The following POU2F1 variants were observed in gnomAD, a reference collection of about 807,000 sequenced individuals.
POU2F1 encodes POU class 2 homeobox 1.
A neutral mutation model predicts 84.9 loss-of-function variants in POU2F1; 16 were observed. The ratio of observed to expected loss-of-function variants is 0.19; its 90% CI spans 0.13 to 0.29. The LOEUF is 0.29. POU2F1 is among the 10% of genes least tolerant of loss of function. POU2F1 has a pLI of 1.00. For missense variants in POU2F1, 738 were observed against 942.6 expected (o/e 0.78, Z 2.84); for synonymous variants, 368 against 368.3 (o/e 1.00, Z 0.01).
chr1:167,359,749 A>G (rs904841858), intron 2 of POU2F1, among the ~76,000 whole-genome samples: 3 of 150,402 alleles, frequency 2.0e-5, no homozygotes, highest in African/African-American at 7.3e-5. Context: ...TCTTTGAGAA[A>G]TTGCCAAACT....
chr1:167,257,366 C>G (rs966095037), intron 1 of POU2F1, among the ~76,000 whole-genome samples: 4 of 152,136 alleles, frequency 2.6e-5, no homozygotes, highest in Non-Finnish European at 5.9e-5. Context: ...ACTACAGTAA[C>G]ACATACACCT....
intron 1 of POU2F1, among the ~76,000 whole-genome samples, chr1:167,253,075 G>T (rs1650846931): frequency 1.3e-5 from 2 of 152,178 alleles, no homozygotes; most frequent in Non-Finnish European, 2.9e-5. Flanking sequence ...TTTAAAATGA[G>T]ATGGCCCAAA....
chr1:167,358,911 C>G (rs1659165480), intron 2 of POU2F1, among the ~76,000 whole-genome samples: 1 of 151,548 alleles, frequency 6.6e-6, no homozygotes, highest in Non-Finnish European at 1.5e-5. Context: ...TGCTCCTTCT[C>G]TCTTATTTTC....
rs966351643 is a variant in POU2F1 at position 167,422,147 on chromosome 1, G to GC, written c.*6343dup. On this transcript the variant is annotated 3_prime_UTR_variant, in exon 16 of 16. Coordinates refer to ENST00000367866, the MANE Select transcript of POU2F1 (RefSeq NM_002697.4). ...TACATCCCTTCCTATGGTTGCCCAT[G>GC]CCCCCCAGACCCTGCCAACCTCTCC... is the stretch of plus-strand genomic sequence containing the variant. 6.6e-6 allele frequency: 1 copy of GC among 152,328 alleles called. No homozygotes were observed. The highest frequency in any genetic ancestry group is 1.5e-5 in the Non-Finnish European group (1 of 68,090). 9.4% of individuals were successfully genotyped at this position (152,328 alleles called of 1,614,324 possible). A position where few individuals can be genotyped will look rare whatever the true frequency, so the allele number is the denominator to read the frequency against.
intron 1 of POU2F1, among the ~76,000 whole-genome samples, chr1:167,315,846 T>G (rs1655854370): frequency 6.7e-6 from 1 of 150,100 alleles, no homozygotes; most frequent in African/African-American, 2.4e-5. Flanking sequence ...ACAAGCAAAC[T>G]GTGGTACATC....
intron 7 of POU2F1, 189 bp from the exon 8 acceptor site, chr1:167,383,668 A>G: frequency 1.9e-6 from 1 of 524,190 alleles, no homozygotes; most frequent in Non-Finnish European, 3.4e-6. Context: ...TTAATGTTGT[A>G]TATCTTCTCT....
chr1:167,383,301 A>G lies in POU2F1; in HGVS notation c.719-556A>G, dbSNP rs554573776. 1.1e-3 allele frequency among the ~76,000 whole-genome samples: 163 copies of G among 152,306 alleles called. 1 individual carries two copies. Among genetic ancestry groups the G allele is most frequent in the African/African-American group, 3.9e-3 (161 of 41,568 alleles). ...CTACAAACAAAGAGTTTGTATTTCTACTTTGAATGTCAGTTTGTCATCATG... is the reference window on the plus strand; with the variant it reads ...CTACAAACAAAGAGTTTGTATTTCTGCTTTGAATGTCAGTTTGTCATCATG... On this transcript the variant is annotated intron_variant, in intron 7 of 15. Transcript: ENST00000367866.
At chr1:167,340,232 C>A (rs1432336162) in intron 2 of POU2F1, among the ~76,000 whole-genome samples, 2 of 151,508 alleles carry the variant, frequency 1.3e-5, no homozygotes, top group African/African-American at 4.9e-5. Flanking sequence ...GGCATGCAAC[C>A]ACCATGCCTG....
intron 2 of POU2F1, among the ~76,000 whole-genome samples, chr1:167,358,402 C>G (rs973561298): frequency 1.3e-5 from 2 of 151,758 alleles, no homozygotes; most frequent in Admixed American, 6.6e-5. Context: ...TTATGCTGGT[C>G]TCATAAAATG....
rs371666497 is a variant in POU2F1, at chr1:167,416,247, T to TA, written c.*449dup. 5,427 of 253,200 alleles carry TA rather than the reference T, an allele frequency of 0.021. 6 individuals are homozygous for TA. Among genetic ancestry groups the TA allele is most frequent in the South Asian group, 0.035 (861 of 24,434 alleles). 15.7% of individuals were successfully genotyped at this position (253,200 alleles called of 1,614,324 possible). On this transcript the variant is annotated 3_prime_UTR_variant, in exon 16 of 16. Transcript: ENST00000367866. ...TGTTTGTCTAAATTTCTTTTTTTCT[T>TA]AAAAAAAAAAAATCATTTTTATGGG...
chr1:167,361,136 T>A (rs1048550593), intron 2 of POU2F1, among the ~76,000 whole-genome samples: 3 of 152,088 alleles, frequency 2.0e-5, no homozygotes, highest in Non-Finnish European at 2.9e-5. Context: ...TTTATATAAT[T>A]TTACTTCTGC....
At chr1:167,262,610 G>A (rs1651655493) in intron 1 of POU2F1, among the ~76,000 whole-genome samples, 1 of 152,148 alleles carries the variant, frequency 6.6e-6, no homozygotes, top group African/African-American at 2.4e-5. Flanking sequence ...TAATTTAATT[G>A]AGGAGATCAA....
intron 1 of POU2F1, among the ~76,000 whole-genome samples, chr1:167,231,762 G>T (rs1281020311): frequency 1.3e-5 from 2 of 152,180 alleles, no homozygotes; most frequent in Non-Finnish European, 2.9e-5. Flanking sequence ...AGCATAAGGT[G>T]GGGACTGCTA....
At chr1:167,352,560 G>A (rs961788947) in intron 2 of POU2F1, among the ~76,000 whole-genome samples, 3 of 152,166 alleles carry the variant, frequency 2.0e-5, no homozygotes, top group South Asian at 2.1e-4. Flanking sequence ...TGGAAGGCTC[G>A]GAATTTCAGT....
At position 167,332,553 on chromosome 1, in the gene POU2F1, T is replaced by A. The variant is rs1218354445; in HGVS notation, c.127+18T>A. On this transcript the variant is annotated intron_variant, in intron 2 of 15. Transcript: ENST00000367866. ...CAACACAGGTAAGAGTTTTCTGATC[T>A]AGCTTTTTAATTAACTCTAGTAGAG... The A allele has an allele frequency of 3.8e-6, 6 of 1,572,488 alleles. No homozygotes were observed. The highest frequency in any genetic ancestry group is 4.4e-6 in the Non-Finnish European group (5 of 1,142,694).
At chr1:167,304,475 T>C (rs1654924927) in intron 1 of POU2F1, among the ~76,000 whole-genome samples, 1 of 152,180 alleles carries the variant, frequency 6.6e-6, no homozygotes, top group South Asian at 2.1e-4. Flanking sequence ...CCTGCTTATT[T>C]TTTTAAACGA....
intron 1 of POU2F1, among the ~76,000 whole-genome samples, chr1:167,331,273 A>G (rs1034308917): frequency 6.6e-6 from 1 of 152,074 alleles, no homozygotes; most frequent in African/African-American, 2.4e-5. Flanking sequence ...AATGAAACTT[A>G]TAAAAGAAAG....
intron 2 of POU2F1, among the ~76,000 whole-genome samples, chr1:167,348,582 C>T (rs1658350509): frequency 6.6e-6 from 1 of 152,074 alleles, no homozygotes; most frequent in African/African-American, 2.4e-5. Context: ...ATTCATTTTC[C>T]CCAGGAAATA....
chr1:167,382,941 A>G (rs1647674857), intron 7 of POU2F1, among the ~76,000 whole-genome samples: 1 of 152,208 alleles, frequency 6.6e-6, no homozygotes, highest in African/African-American at 2.4e-5. Context: ...CTGTTGTCCT[A>G]CATATTACAA....
Sources: gnomAD v4.1 joint callset for allele counts (sites outside exome capture counted in the v4.1 genomes callset) on GRCh38, gnomAD v4.1.1 for gene constraint, MANE v1.5 for transcripts, NCBI Gene and HGNC (gene_info 2026-07-23, HGNC 2026-07-21) for gene names.